Variants in SAMD4B observed in about 807,000 individuals in gnomAD.
The protein encoded by SAMD4B is sterile alpha motif domain containing 4B.
A neutral mutation model predicts 74.5 loss-of-function variants in SAMD4B; 5 were observed. The observed-to-expected ratio is 0.07, with a 90% CI of 0.04 to 0.14. The LOEUF (loss-of-function observed/expected upper bound fraction) is 0.14, where lower values mean the gene tolerates loss of function less well. Among genes scored for constraint, SAMD4B ranks in the 10% least tolerant of loss-of-function variants. The pLI is 1.00. For missense variants in SAMD4B, 608 were observed against 921.8 expected (o/e 0.66, Z 4.41); for synonymous variants, 373 against 374.9 (o/e 1.00, Z 0.06).
downstream of SAMD4B, chr19:39,386,277 TCCTCACCACTGCCA>T: frequency 6.2e-7 from 1 of 1,614,130 alleles, no homozygotes; most frequent in Non-Finnish European, 8.5e-7. This position sits in a 1 kb window ranked among gnomAD's most constrained non-coding sequence, Gnocchi z 6.1. Context: ...GCTGCTCTCG[TCCTCACCACTGCCA>T]CTCTTGTCAC....
chr19:39,359,489 C>G (rs911943764), intron 3 of SAMD4B, among the ~76,000 whole-genome samples: 1 of 152,120 alleles, frequency 6.6e-6, no homozygotes, highest in Non-Finnish European at 1.5e-5. Context: ...ATTGTTTTGT[C>G]TTAATACATA....
chr19:39,374,432 A>G (rs1411869928), intron 4 of SAMD4B, among the ~76,000 whole-genome samples: 1 of 152,192 alleles, frequency 6.6e-6, no homozygotes, highest in Non-Finnish European at 1.5e-5. Context: ...GAGGCCCCAT[A>G]ACAGGGTTGT....
At chr19:39,387,048 T>A, downstream of SAMD4B, 1 of 571,098 alleles carries the variant, frequency 1.8e-6, no homozygotes, top group Non-Finnish European at 3.2e-6. Flanking sequence ...ACGGTGTATT[T>A]ACATAAATAC....
At chr19:39,388,491 G>C, downstream of SAMD4B, 2 of 1,614,110 alleles carry the variant, frequency 1.2e-6, no homozygotes, top group Non-Finnish European at 1.7e-6. Context: ...CACAGGTTCA[G>C]CCCCATTTCT....
intron 1 of SAMD4B, chr19:39,348,171 A>C (rs1404193771): frequency 1.3e-5 from 2 of 152,218 alleles, no homozygotes; most frequent in Non-Finnish European, 2.9e-5. Flanking sequence ...CAAGGTGGGG[A>C]AATTTATCAC....
intron 6 of SAMD4B, 57 bp downstream of exon 6, chr19:39,376,603 T>C: frequency 1.3e-6 from 2 of 1,584,964 alleles, no homozygotes; most frequent in Non-Finnish European, 8.7e-7. Flanking sequence ...TTGGCATCCT[T>C]GCAGCCCAAG....
Position 39,375,998 on chromosome 19 carries a change from C to A in SAMD4B, c.907+109C>A. 5 of 1,395,478 alleles carry A rather than the reference C, an allele frequency of 3.6e-6. No individual in the cohort carries two copies. The highest frequency in any genetic ancestry group is 4.9e-6 in the Non-Finnish European group (5 of 1,030,162). 86.4% of individuals were successfully genotyped at this position (1,395,478 alleles called of 1,614,324 possible). On this transcript the variant is annotated intron_variant, in intron 5 of 13. Transcript: ENST00000610417. The surrounding 1 kb of genome is among the most constrained non-coding windows in gnomAD (Gnocchi z 4.1). ...CCTGCTTACCCCTCTGAGGAGGGGA[C>A]ATGTCTGAGGGGAGTAGATAGTCCC...
chr19:39,377,790 C>T lies in SAMD4B; in HGVS notation c.1410C>T (p.Asp470=). 1 of 1,608,624 alleles carries T rather than the reference C, an allele frequency of 6.2e-7. No homozygotes were observed. Residue 470 remains aspartate, a synonymous_variant, in exon 8 of 14, where the codon GAC becomes GAT. Coordinates refer to ENST00000610417, the MANE Select transcript of SAMD4B (RefSeq NM_001384574.2). ...CCCCGGCTCCCGTCGCCGACGGAGA[C>T]ATCCCCAGCCAGTTTACACGGGTGA... ...EPAPAPVADG[D]IPSQFTRVMG... is the part of the protein sequence containing the mutation.
At chr19:39,362,360 A>G (rs1201652277) in intron 3 of SAMD4B, among the ~76,000 whole-genome samples, 1 of 152,130 alleles carries the variant, frequency 6.6e-6, no homozygotes, top group Non-Finnish European at 1.5e-5. Context: ...GTGACCTACT[A>G]GAAGTGGGGA....
chr19:39,370,640 GA>G (rs1372777290), intron 4 of SAMD4B, among the ~76,000 whole-genome samples: 1 of 152,180 alleles, frequency 6.6e-6, no homozygotes, highest in African/African-American at 2.4e-5. Context: ...CATCATCTGA[GA>G]TCCCTTCCAG....
At position 39,383,864 on chromosome 19, in the gene SAMD4B, T is replaced by C. The variant is rs1445460242; in HGVS notation, c.*337T>C. 2.9e-6 allele frequency: 2 copies of C among 701,024 alleles called. No homozygotes were observed. Among genetic ancestry groups the C allele is most frequent in the Non-Finnish European group, 4.7e-6 (2 of 422,110 alleles). 43.4% of individuals were successfully genotyped at this position (701,024 alleles called of 1,614,324 possible). On this transcript the variant is annotated 3_prime_UTR_variant, in exon 14 of 14. Transcript: ENST00000610417. This position sits in a 1 kb window ranked among gnomAD's most constrained non-coding sequence, Gnocchi z 4.1. Reference sequence around the variant, plus strand: ...TCCTCCAGACCGCTGACCACCTGCCTCTCCCCAAGGGAGCAGACTCCCCAG... The same window carrying C: ...TCCTCCAGACCGCTGACCACCTGCCCCTCCCCAAGGGAGCAGACTCCCCAG...
intron 3 of SAMD4B, among the ~76,000 whole-genome samples, chr19:39,360,891 G>T (rs2076607840): frequency 6.6e-6 from 1 of 152,238 alleles, no homozygotes; most frequent in Non-Finnish European, 1.5e-5. Flanking sequence ...GCCTGGGAAC[G>T]AGTACCCAGG....
downstream of SAMD4B, chr19:39,388,982 G>C (rs1314951608): frequency 1.2e-6 from 2 of 1,614,184 alleles, no homozygotes; most frequent in Admixed American, 1.7e-5. Context: ...ACCTCCACCG[G>C]TGTGACTCGG....
intron 1 of SAMD4B, chr19:39,350,040 A>C (rs1568343268): frequency 1.3e-5 from 2 of 152,192 alleles, no homozygotes; most frequent in Admixed American, 1.3e-4. Context: ...GTAAAATGAT[A>C]ATATATTCAT....
intron 4 of SAMD4B, among the ~76,000 whole-genome samples, chr19:39,372,703 A>G (rs1437873732): frequency 6.6e-6 from 1 of 152,126 alleles, no homozygotes; most frequent in African/African-American, 2.4e-5. Context: ...CAGGAACTGC[A>G]CGATCATTCC....
chr19:39,361,213 G>A lies in SAMD4B; in HGVS notation c.196+4124G>A, dbSNP rs150906317. ...CTAGGGCAAGAGTTCTTAATATTTA[G>A]CGGGATGGACCAGTTAGAAAATCTT... On this transcript the variant is annotated intron_variant, in intron 3 of 13. Coordinates refer to ENST00000610417, the MANE Select transcript of SAMD4B (RefSeq NM_001384574.2). Among the ~76,000 whole-genome samples the A allele has an allele frequency of 7.0e-3, 1,072 of 152,240 alleles. 4 individuals are homozygous for A. Among genetic ancestry groups the A allele is most frequent in the South Asian group, 0.03 (143 of 4,824 alleles).
intron 3 of SAMD4B, among the ~76,000 whole-genome samples, chr19:39,357,580 C>A (rs2076405381): frequency 6.6e-6 from 1 of 152,220 alleles, no homozygotes; most frequent in African/African-American, 2.4e-5. Context: ...TTCATCCTGT[C>A]AGTTCCCTAA....
rs561878349 is a variant in SAMD4B at position 39,385,611 on chromosome 19, G to A, written c.*2084G>A. 2.6e-5 allele frequency: 13 copies of A among 503,824 alleles called. No homozygotes were observed. The highest frequency in any genetic ancestry group is 1.4e-4 in the African/African-American group (7 of 51,390). The allele number at this position is 503,824 out of a possible 1,614,324, so 31.2% of individuals were successfully genotyped here. The stretch of plus-strand genomic sequence containing the variant: ...TTTGAGTAACTGTACAGTTTTTCTC[G>A]CTGTTGGAGAAGACTTATTTGTTGG... On this transcript the variant is annotated 3_prime_UTR_variant, in exon 14 of 14. Transcript: ENST00000610417.
rs967803332 is a variant in SAMD4B, at chr19:39,373,912, C to T, written c.668-1738C>T. Among the ~76,000 whole-genome samples, 13 of 151,594 alleles carry T rather than the reference C, an allele frequency of 8.6e-5. No individual in the cohort carries two copies. In the East Asian group the frequency reaches 9.8e-4, roughly 11 times the overall value. On this transcript the variant is annotated intron_variant, in intron 4 of 13. Coordinates refer to ENST00000610417, the MANE Select transcript of SAMD4B (RefSeq NM_001384574.2). Reference sequence around the variant, plus strand: ...CCGGGAGGCAGAGGTTGCAGTGAGCCGAGATTGTGCCACTGCACTCCAGGC... The same window carrying T: ...CCGGGAGGCAGAGGTTGCAGTGAGCTGAGATTGTGCCACTGCACTCCAGGC...
Sources: gnomAD v4.1 joint callset for allele counts (sites outside exome capture counted in the v4.1 genomes callset) on GRCh38, gnomAD v4.1.1 for gene constraint, Gnocchi (gnomAD v3.1) non-coding constraint, MANE v1.5 for transcripts, NCBI Gene and HGNC (gene_info 2026-07-23, HGNC 2026-07-21) for gene names.